The following PCDHA5 variants were observed in gnomAD, a reference collection of about 807,000 sequenced individuals.
PCDHA5 encodes protocadherin alpha-5.
A neutral mutation model predicts 61.6 loss-of-function variants in PCDHA5; 43 were observed. The observed-to-expected ratio is 0.70, with a 90% CI of 0.55 to 0.90. The LOEUF is 0.90. PCDHA5 is among the 40% of genes least tolerant of loss of function. PCDHA5 has a pLI of 0.00. For missense variants in PCDHA5, 1,298 were observed against 1,222.7 expected (o/e 1.06, Z -0.92); for synonymous variants, 627 against 543.9 (o/e 1.15, Z -2.13).
At position 140,877,198 on chromosome 5, in the gene PCDHA5, G is replaced by A. The variant is rs781787046; in HGVS notation, c.2352+53071G>A. On this transcript the variant is annotated intron_variant, in intron 1 of 3. Transcript: ENST00000529859. Reference sequence around the variant, plus strand: ...GACTCCGGCTGGCAGCGCAGGAGGCGCAGTTAGCGAGTTGGTACCGCGGTC... The same window carrying A: ...GACTCCGGCTGGCAGCGCAGGAGGCACAGTTAGCGAGTTGGTACCGCGGTC... The A allele has an allele frequency of 1.5e-5, 24 of 1,613,830 alleles. No individual in the cohort carries two copies. The highest frequency in any genetic ancestry group is 7.7e-5 in the South Asian group (7 of 91,064).
At chr5:140,991,988 C>T (rs1167776981) in intron 3 of PCDHA5, among the ~76,000 whole-genome samples, 1 of 151,478 alleles carries the variant, frequency 6.6e-6, no homozygotes, top group Non-Finnish European at 1.5e-5. Flanking sequence ...GCCTACCACC[C>T]GGTCTTTCAT....
chr5:140,849,774 G>GTA (rs2150449432), intron 1 of PCDHA5: 1 of 1,598,482 alleles, frequency 6.3e-7, no homozygotes, highest in Non-Finnish European at 8.6e-7. Context: ...GGTGGTTACC[G>GTA]CGCGGGACGG....
intron 1 of PCDHA5, among the ~76,000 whole-genome samples, chr5:140,891,446 G>T (rs1554184841): frequency 1.0e-4 from 15 of 149,150 alleles, no homozygotes. Context: ...CATTGTATAG[G>T]ATTTTTGAAT....
At chr5:140,836,903 T>C in intron 1 of PCDHA5, 1 of 590,556 alleles carries the variant, frequency 1.7e-6, no homozygotes, top group Non-Finnish European at 2.8e-6. Flanking sequence ...GTACGTTTAA[T>C]ATACACTTTT....
At chr5:140,826,604 A>T (rs2150144366) in intron 1 of PCDHA5, among the ~76,000 whole-genome samples, 7 of 152,290 alleles carry the variant, frequency 4.6e-5, no homozygotes, top group African/African-American at 1.4e-4. Flanking sequence ...AGGTTAAATT[A>T]AGGGCGAAGT....
At chr5:140,973,414 C>G (rs992904408) in intron 1 of PCDHA5, among the ~76,000 whole-genome samples, 1 of 152,204 alleles carries the variant, frequency 6.6e-6, no homozygotes, top group Non-Finnish European at 1.5e-5. Flanking sequence ...GCTTCCACTC[C>G]AGTTTTTCAT....
intron 1 of PCDHA5, chr5:140,967,032 A>T: frequency 6.2e-7 from 1 of 1,610,180 alleles, no homozygotes; most frequent in Non-Finnish European, 8.5e-7. Flanking sequence ...AGTCCGCGCT[A>T]CCTGGAGCTG....
intron 1 of PCDHA5, among the ~76,000 whole-genome samples, chr5:140,898,811 C>T (rs1277456601): frequency 6.6e-6 from 1 of 152,190 alleles, no homozygotes; most frequent in Non-Finnish European, 1.5e-5. Context: ...ACTGATTCTT[C>T]CTACCCATGA....
intron 1 of PCDHA5, among the ~76,000 whole-genome samples, chr5:140,956,772 GT>G (rs2095308990): frequency 6.6e-6 from 1 of 152,202 alleles, no homozygotes; most frequent in African/African-American, 2.4e-5. Context: ...AATCTGTCTG[GT>G]CCTGGGCTTT....
intron 1 of PCDHA5, chr5:140,859,116 A>G (rs1210233743): frequency 6.7e-6 from 1 of 150,046 alleles, no homozygotes; most frequent in Non-Finnish European, 1.5e-5. Flanking sequence ...AAGAAAATGT[A>G]TGTTTCTTTT....
chr5:140,891,782 T>C (rs574840881), intron 1 of PCDHA5, among the ~76,000 whole-genome samples: 1 of 152,284 alleles, frequency 6.6e-6, no homozygotes, highest in African/African-American at 2.4e-5. Flanking sequence ...AGGAAATGTT[T>C]AGATTATGAG....
chr5:140,931,304 G>C (rs1218460625), intron 1 of PCDHA5, among the ~76,000 whole-genome samples: 1 of 152,056 alleles, frequency 6.6e-6, no homozygotes, highest in African/African-American at 2.4e-5. Context: ...CAAAAAGAGA[G>C]GAGAATACCA....
At chr5:140,910,794 T>A (rs1431401808) in intron 1 of PCDHA5, among the ~76,000 whole-genome samples, 5 of 152,166 alleles carry the variant, frequency 3.3e-5, no homozygotes, top group Non-Finnish European at 7.3e-5. Flanking sequence ...AAATGCAGAA[T>A]CCCTGCTTAG....
At chr5:140,993,031 C>T (rs186292405) in intron 3 of PCDHA5, among the ~76,000 whole-genome samples, 19 of 152,274 alleles carry the variant, frequency 1.2e-4, no homozygotes, top group Non-Finnish European at 1.8e-4. Context: ...CTGTGGGCTC[C>T]GTGTGTCATC....
chr5:141,002,679 G>A (rs1554258764), intron 3 of PCDHA5, among the ~76,000 whole-genome samples: 1 of 152,134 alleles, frequency 6.6e-6, no homozygotes, highest in Non-Finnish European at 1.5e-5. Context: ...AAACCTATAC[G>A]ACGTGCAGAT....
At chr5:140,890,629 A>G (rs6883083) in intron 1 of PCDHA5, among the ~76,000 whole-genome samples, 2 of 152,158 alleles carry the variant, frequency 1.3e-5, no homozygotes, top group Admixed American at 1.3e-4. Context: ...AAAATTAAGC[A>G]TGTATCCTTG....
intron 3 of PCDHA5, among the ~76,000 whole-genome samples, chr5:140,991,295 A>G (rs1215731555): frequency 6.6e-6 from 1 of 152,202 alleles, no homozygotes; most frequent in African/African-American, 2.4e-5. Context: ...TTAACACATT[A>G]CTATTATCTT....
chr5:140,951,889 G>A (rs2094649080), intron 1 of PCDHA5, among the ~76,000 whole-genome samples: 1 of 152,142 alleles, frequency 6.6e-6, no homozygotes, highest in Non-Finnish European at 1.5e-5. Flanking sequence ...ACTCTCTTCT[G>A]CCTATGAGCC....
chr5:140,861,903 A>G (rs115177043), intron 1 of PCDHA5: 3,607 of 155,014 alleles, frequency 0.023, 51 homozygotes, highest in Middle Eastern at 0.034. Flanking sequence ...AAAGCATTAT[A>G]TATCACAGCG....
Sources: allele counts gnomAD v4.1 joint callset (sites outside exome capture counted in the v4.1 genomes callset), GRCh38; gene constraint gnomAD v4.1.1; transcripts MANE v1.5; gene names NCBI Gene and HGNC (gene_info 2026-07-23, HGNC 2026-07-21).